SAMD3: variants seen among roughly 807,000 people sequenced by gnomAD.
SAMD3 encodes the protein sterile alpha motif domain containing 3.
In SAMD3, 63 loss-of-function variants were observed where a neutral mutation model predicts 58.5. The observed-to-expected ratio is 1.08, with a 90% CI of 0.88 to 1.33. The LOEUF (loss-of-function observed/expected upper bound fraction) is 1.33, where lower values mean the gene tolerates loss of function less well. Ranked by LOEUF, SAMD3 falls within the 40% of genes most tolerant of loss-of-function variation. The pLI, the probability that SAMD3 is intolerant of heterozygous loss-of-function variation, is 0.00. For synonymous variants in SAMD3, 220 were observed against 210.3 expected (o/e 1.05, Z -0.40); for missense variants, 604 against 608.4 (o/e 0.99, Z 0.08).
At chr6:130,244,491 C>A (rs572496057) in intron 2 of SAMD3, among the ~76,000 whole-genome samples, 13 of 152,146 alleles carry the variant, frequency 8.5e-5, no homozygotes, top group Non-Finnish European at 1.6e-4. Flanking sequence ...GTAATCCCAG[C>A]ACTTTGGGAG....
At chr6:130,337,887 C>T (rs563659163) in intron 1 of SAMD3, among the ~76,000 whole-genome samples, 4 of 152,156 alleles carry the variant, frequency 2.6e-5, no homozygotes, top group South Asian at 2.1e-4. Flanking sequence ...ACAGCTTGAC[C>T]ACGTGGTAGA....
rs9492495 is a variant in SAMD3 at position 130,216,062 on chromosome 6, T to C, written c.-22+509A>G. 2.7e-3 allele frequency: 1,018 copies of C among 377,994 alleles called. 11 individuals are homozygous for C. Among genetic ancestry groups the C allele is most frequent in the African/African-American group, 0.02 (956 of 47,516 alleles). The allele number at this position is 377,994 out of a possible 1,614,324, so 23.4% of individuals were successfully genotyped here. On this transcript the variant is annotated intron_variant, in intron 2 of 11. Transcript: ENST00000439090. ...CAGATTCAAAATTGGAAAGTAATTA[T>C]TTATGTTAATAATTATCGTGAAAGA... is the stretch of plus-strand genomic sequence containing the variant.
upstream of SAMD3, among the ~76,000 whole-genome samples, chr6:130,226,835 A>G (rs1299701527): frequency 6.6e-6 from 1 of 152,260 alleles, no homozygotes; most frequent in East Asian, 1.9e-4. Flanking sequence ...TCTCAAAAAA[A>G]AAAATTATTT....
chr6:130,249,874 GC>G (rs1264442686), intron 2 of SAMD3, among the ~76,000 whole-genome samples: 1 of 152,080 alleles, frequency 6.6e-6, no homozygotes, highest in Non-Finnish European at 1.5e-5. Context: ...CAAGACTCTA[GC>G]CATTTAGAGT....
Position 130,319,307 on chromosome 6 carries a change from G to A in SAMD3, c.-303-6214C>T, listed in dbSNP as rs570607761. Reference sequence around the variant, plus strand: ...GTCTAAGAATCTTAAAGAACTCCAAGCATAGGAAACATGAAGAAAAGTATG... The same window carrying A: ...GTCTAAGAATCTTAAAGAACTCCAAACATAGGAAACATGAAGAAAAGTATG... On this transcript the variant is annotated intron_variant, in intron 1 of 13. Coordinates refer to the SAMD3 transcript ENST00000368134. 2.6e-5 allele frequency among the ~76,000 whole-genome samples: 4 copies of A among 152,140 alleles called. No individual in the cohort carries two copies. The South Asian group carries it at 8.3e-4, about 32-fold the overall frequency.
At chr6:130,179,362 C>T (rs1792044750) in intron 7 of SAMD3, among the ~76,000 whole-genome samples, 1 of 152,070 alleles carries the variant, frequency 6.6e-6, no homozygotes, top group Non-Finnish European at 1.5e-5. Context: ...TCCATGTTTC[C>T]AGCTAGAGAG....
At chr6:130,328,007 C>G (rs1776810166) in intron 1 of SAMD3, among the ~76,000 whole-genome samples, 1 of 152,174 alleles carries the variant, frequency 6.6e-6, no homozygotes, top group Non-Finnish European at 1.5e-5. Flanking sequence ...CAAGAAGGCT[C>G]TAACTCTCTA....
intron 1 of SAMD3, among the ~76,000 whole-genome samples, chr6:130,346,767 G>A (rs1346800819): frequency 3.9e-5 from 6 of 152,294 alleles, no homozygotes; most frequent in East Asian, 3.9e-4. Flanking sequence ...ATCTGAGAAC[G>A]GACAGACTGT....
intron 1 of SAMD3, among the ~76,000 whole-genome samples, chr6:130,330,193 G>A (rs1202585197): frequency 1.3e-5 from 2 of 152,148 alleles, no homozygotes; most frequent in Non-Finnish European, 2.9e-5. Flanking sequence ...CTGAAAGGTC[G>A]GCAGGCCCAG....
intron 5 of SAMD3, among the ~76,000 whole-genome samples, chr6:130,206,894 C>T (rs533511616): frequency 1.2e-4 from 18 of 152,186 alleles, no homozygotes; most frequent in African/African-American, 4.3e-4. Context: ...CCTGCCTAGC[C>T]AGTATCACAG....
intron 5 of SAMD3, among the ~76,000 whole-genome samples, chr6:130,208,063 A>G (rs1276908343): frequency 6.6e-6 from 1 of 152,242 alleles, no homozygotes; most frequent in Non-Finnish European, 1.5e-5. Context: ...AAATAGCTAG[A>G]AATCCTTTGA....
chr6:130,179,295 C>T (rs561998424), intron 7 of SAMD3, among the ~76,000 whole-genome samples: 5 of 152,140 alleles, frequency 3.3e-5, no homozygotes, highest in Non-Finnish European at 7.4e-5. Context: ...ACGCAGACGC[C>T]TCAGGTAGGC....
At chr6:130,200,015 G>A (rs927285357) in intron 5 of SAMD3, among the ~76,000 whole-genome samples, 1 of 152,026 alleles carries the variant, frequency 6.6e-6, no homozygotes, top group East Asian at 1.9e-4. Context: ...ATAGACAGAT[G>A]TCTCTCAAAC....
At chr6:130,162,532 G>T (rs1790368801) in intron 8 of SAMD3, among the ~76,000 whole-genome samples, 2 of 152,016 alleles carry the variant, frequency 1.3e-5, no homozygotes, top group Admixed American at 6.6e-5. Flanking sequence ...TAAGAAAACG[G>T]TATCTTGCCA....
chr6:130,289,498 A>AT (rs200442174), intron 2 of SAMD3, among the ~76,000 whole-genome samples: 3,965 of 150,592 alleles, frequency 0.026, 70 homozygotes, highest in Non-Finnish European at 0.04. Context: ...AAGAAAAAAA[A>AT]ATATATATAG....
intron 2 of SAMD3, among the ~76,000 whole-genome samples, chr6:130,244,612 C>A (rs1376669199): frequency 6.6e-6 from 1 of 152,086 alleles, no homozygotes; most frequent in South Asian, 2.1e-4. Context: ...TGGTGCTGTG[C>A]ACCTGCAATC....
intron 1 of SAMD3, among the ~76,000 whole-genome samples, chr6:130,313,390 G>A (rs1475263911): frequency 6.6e-6 from 1 of 152,166 alleles, no homozygotes; most frequent in Non-Finnish European, 1.5e-5. Context: ...CCAGGTGTGT[G>A]AAACAAACAT....
At chr6:130,145,257 CA>C in intron 11 of SAMD3, 82 bp downstream of exon 11, 3 of 694,302 alleles carry the variant, frequency 4.3e-6, no homozygotes, top group Admixed American at 3.6e-5. Context: ...GACTCCATCT[CA>C]AAAATATAAG....
intron 2 of SAMD3, among the ~76,000 whole-genome samples, chr6:130,249,097 C>T (rs1371986725): frequency 6.6e-6 from 1 of 152,084 alleles, no homozygotes; most frequent in African/African-American, 2.4e-5. Flanking sequence ...TTAGGAAGGA[C>T]CAGTGGCATG....
Sources: gnomAD v4.1 joint callset for allele counts (sites outside exome capture counted in the v4.1 genomes callset) on GRCh38, gnomAD v4.1.1 for gene constraint, MANE v1.5 for transcripts, NCBI Gene and HGNC (gene_info 2026-07-23, HGNC 2026-07-21) for gene names.